SSBP2: variants seen among roughly 807,000 people sequenced by gnomAD.
SSBP2 encodes single-stranded DNA-binding protein 2.
A neutral mutation model predicts 61.8 loss-of-function variants in SSBP2; 17 were observed. The ratio of observed to expected loss-of-function variants is 0.28; its 90% confidence interval spans 0.19 to 0.41. The LOEUF (loss-of-function observed/expected upper bound fraction) is 0.41, where lower values mean the gene tolerates loss of function less well. Ranked by LOEUF, SSBP2 falls within the 10% of genes least tolerant of loss-of-function variation. SSBP2 has a pLI of 1.00. For synonymous variants in SSBP2, 139 were observed against 141.3 expected (o/e 0.98, Z 0.12); for missense variants, 310 against 458.7 (o/e 0.68, Z 2.96).
intron 3 of SSBP2, among the ~76,000 whole-genome samples, chr5:81,629,245 A>C (rs923346547): frequency 2.6e-5 from 4 of 152,142 alleles, no homozygotes; most frequent in African/African-American, 9.7e-5. Flanking sequence ...TTGGCCTCCC[A>C]AAGTGCTGGA....
At chr5:81,444,514 CATA>C (rs1763246421) in intron 12 of SSBP2, among the ~76,000 whole-genome samples, 2 of 152,120 alleles carry the variant, frequency 1.3e-5, no homozygotes, top group Admixed American at 1.3e-4. Flanking sequence ...CCAACTAGGA[CATA>C]ATAAGCTCAT....
At chr5:81,626,917 G>A (rs977149409) in intron 3 of SSBP2, among the ~76,000 whole-genome samples, 1 of 152,150 alleles carries the variant, frequency 6.6e-6, no homozygotes, top group Non-Finnish European at 1.5e-5. Flanking sequence ...TCAGGAACTT[G>A]AATTCTAACT....
Position 81,446,569 on chromosome 5 carries a change from A to T in SSBP2, c.778+299T>A, listed in dbSNP as rs566840397. On this transcript the variant is annotated intron_variant, in intron 12 of 16. Coordinates refer to ENST00000320672, the MANE Select transcript of SSBP2 (RefSeq NM_012446.5). ...TCAGAAATTTTCTAAATTGTAGAAG[A>T]TTTGGTTAGTTTTATCAGTCTCAAT... 3.9e-5 allele frequency among the ~76,000 whole-genome samples: 6 copies of T among 152,240 alleles called. No homozygotes were observed. The South Asian group carries it at 1.2e-3, about 32-fold the overall frequency.
chr5:81,713,180 A>G (rs966101555), intron 1 of SSBP2, among the ~76,000 whole-genome samples: 2 of 152,192 alleles, frequency 1.3e-5, no homozygotes, highest in African/African-American at 4.8e-5. Context: ...ATTACATAAT[A>G]GAATCTCCAA....
In SSBP2 at chr5:81,632,191, C is replaced by T. The variant is rs147981164; in HGVS notation, c.197+4366G>A. Among the ~76,000 whole-genome samples the T allele has an allele frequency of 4.3e-3, 651 of 152,278 alleles. 7 individuals carry two copies. Among genetic ancestry groups the T allele is most frequent in the African/African-American group, 0.014 (594 of 41,550 alleles). ...ATTTCTTTTGTCATTATATAGTGTT[C>T]ATCATTATTAAATGTGTAATAACAG... On this transcript the variant is annotated intron_variant, in intron 3 of 16. Coordinates refer to ENST00000320672, the MANE Select transcript of SSBP2 (RefSeq NM_012446.5).
chr5:81,611,799 T>A (rs1745473214), intron 4 of SSBP2, among the ~76,000 whole-genome samples: 1 of 152,126 alleles, frequency 6.6e-6, no homozygotes, highest in Non-Finnish European at 1.5e-5. Context: ...AATAAAGTCA[T>A]CCTGTTCTGT....
chr5:81,577,512 AC>A (rs1400632866), intron 4 of SSBP2, among the ~76,000 whole-genome samples: 1 of 152,048 alleles, frequency 6.6e-6, no homozygotes, highest in African/African-American at 2.4e-5. Flanking sequence ...TTAGGAAGCA[AC>A]TGTTTTCTGG....
chr5:81,450,812 A>C (rs1157616248), intron 10 of SSBP2, among the ~76,000 whole-genome samples: 1 of 152,182 alleles, frequency 6.6e-6, no homozygotes, highest in East Asian at 1.9e-4. Context: ...CATTATCATA[A>C]AGTCTACTTT....
chr5:81,424,944 G>T (rs1304533735), intron 16 of SSBP2, among the ~76,000 whole-genome samples: 1 of 152,180 alleles, frequency 6.6e-6, no homozygotes, highest in Admixed American at 6.5e-5. Flanking sequence ...ATATCAGGTT[G>T]CCCTGTTTCA....
At chr5:81,672,163 AATT>A (rs1323007763) in intron 1 of SSBP2, among the ~76,000 whole-genome samples, 2 of 152,172 alleles carry the variant, frequency 1.3e-5, no homozygotes, top group African/African-American at 2.4e-5. Context: ...CCACATATGA[AATT>A]ATTAATTAGT....
chr5:81,673,854 G>C (rs1751768617), intron 1 of SSBP2, among the ~76,000 whole-genome samples: 1 of 152,118 alleles, frequency 6.6e-6, no homozygotes, highest in South Asian at 2.1e-4. Flanking sequence ...GTAACCATTA[G>C]AGCTATTCAA....
intron 2 of SSBP2, among the ~76,000 whole-genome samples, chr5:81,644,936 A>C (rs946124636): frequency 2.6e-5 from 4 of 152,236 alleles, no homozygotes; most frequent in Admixed American, 1.3e-4. Context: ...CTTGGAACGC[A>C]CATGTACACA....
chr5:81,621,962 C>T (rs1371131943), intron 3 of SSBP2, among the ~76,000 whole-genome samples: 2 of 82,972 alleles, frequency 2.4e-5, no homozygotes, highest in African/African-American at 4.9e-5. Context: ...GTGGTGGGGT[C>T]GGGGGAGGGG....
At chr5:81,728,658 G>A (rs998787056) in intron 1 of SSBP2, among the ~76,000 whole-genome samples, 4 of 152,190 alleles carry the variant, frequency 2.6e-5, no homozygotes, top group African/African-American at 7.2e-5. Context: ...TGTCAACATC[G>A]AGAATGTAAA....
intron 1 of SSBP2, among the ~76,000 whole-genome samples, chr5:81,737,611 T>C (rs377218995): frequency 2.2e-5 from 3 of 134,976 alleles, no homozygotes; most frequent in African/African-American, 8.7e-5. Context: ...TGAAACCCCG[T>C]CTCTACTAAA....
At chr5:81,647,229 T>C (rs1419503739) in intron 2 of SSBP2, among the ~76,000 whole-genome samples, 7 of 152,164 alleles carry the variant, frequency 4.6e-5, no homozygotes, top group African/African-American at 1.7e-4. Context: ...AACCCTTTAA[T>C]GTCCCCACTC....
chr5:81,625,730 G>C (rs886242184), intron 3 of SSBP2, among the ~76,000 whole-genome samples: 1 of 152,238 alleles, frequency 6.6e-6, no homozygotes, highest in Admixed American at 6.5e-5. Context: ...AATGACTTAG[G>C]TAGCTTGTTA....
chr5:81,661,966 G>A (rs1750732666), intron 1 of SSBP2, among the ~76,000 whole-genome samples: 1 of 152,004 alleles, frequency 6.6e-6, no homozygotes, highest in South Asian at 2.1e-4. Context: ...TAGCTTTATG[G>A]TTTCAAGTCT....
At chr5:81,575,003 C>T (rs1446549309) in intron 4 of SSBP2, among the ~76,000 whole-genome samples, 2 of 152,330 alleles carry the variant, frequency 1.3e-5, no homozygotes, top group Admixed American at 1.3e-4. Flanking sequence ...GGTGCAGTAG[C>T]TCATGCTTGT....
Sources: gnomAD v4.1 joint callset for allele counts (sites outside exome capture counted in the v4.1 genomes callset) on GRCh38, gnomAD v4.1.1 for gene constraint, MANE v1.5 for transcripts, NCBI Gene and HGNC (gene_info 2026-07-23, HGNC 2026-07-21) for gene names.